The following HDAC9 variants were observed in gnomAD, a reference collection of about 807,000 sequenced individuals.
HDAC9 encodes MEF-2 interacting transcription repressor (MITR) protein.
In HDAC9, 41 loss-of-function variants were observed where a neutral mutation model predicts 139.4. The ratio of observed to expected loss-of-function variants is 0.29; its 90% CI spans 0.23 to 0.38. HDAC9 has a LOEUF of 0.38. HDAC9 is among the 10% of genes least tolerant of loss of function. The pLI is 1.00. For synonymous variants in HDAC9, 517 were observed against 476.2 expected (o/e 1.09, Z -1.12); for missense variants, 1,147 against 1,297.0 (o/e 0.88, Z 1.78).
At chr7:18,606,828 CAT>C (rs950156559) in intron 6 of HDAC9, among the ~76,000 whole-genome samples, 31 of 152,106 alleles carry the variant, frequency 2.0e-4, no homozygotes, top group African/African-American at 7.0e-4. Context: ...TTTAAACTAA[CAT>C]ATCTGAAATC....
intron 10 of HDAC9, 56 bp from the exon 11 acceptor site, chr7:18,648,402 GTGTGTGTA>G (rs1195476255): frequency 4.9e-6 from 6 of 1,230,292 alleles, no homozygotes; most frequent in African/African-American, 4.7e-5. Context: ...AAAATTGTGT[GTGTGTGTA>G]TGTGTGTGTG....
At chr7:18,954,276 A>G in intron 24 of HDAC9, 46 bp downstream of exon 24, 1 of 1,142,812 alleles carries the variant, frequency 8.8e-7, no homozygotes, top group East Asian at 2.6e-5. Context: ...GGTAAAACTA[A>G]CTAAAATTAT....
chr7:18,499,335 G>GT (rs1033475644), intron 2 of HDAC9, among the ~76,000 whole-genome samples: 6 of 151,970 alleles, frequency 3.9e-5, no homozygotes, highest in South Asian at 2.1e-4. Flanking sequence ...TGGAATACAA[G>GT]TTTTTTTTAT....
chr7:18,711,754 A>C (rs1247712383), intron 12 of HDAC9, among the ~76,000 whole-genome samples: 1 of 152,192 alleles, frequency 6.6e-6, no homozygotes, highest in Non-Finnish European at 1.5e-5. Context: ...ATTTTGCCAC[A>C]AAAGAACAGC....
intron 12 of HDAC9, among the ~76,000 whole-genome samples, chr7:18,708,335 C>T (rs1054949793): frequency 2.0e-5 from 3 of 152,146 alleles, no homozygotes; most frequent in Non-Finnish European, 4.4e-5. Context: ...GCCCAGCTGC[C>T]TTGAAAGGCC....
chr7:18,899,722 A>G (rs977810020), intron 22 of HDAC9, among the ~76,000 whole-genome samples: 3 of 152,014 alleles, frequency 2.0e-5, no homozygotes, highest in African/African-American at 7.2e-5. Context: ...TTATTTAACA[A>G]ATTATCAGTG....
intron 1 of HDAC9, among the ~76,000 whole-genome samples, chr7:18,389,657 G>C (rs1786272271): frequency 6.6e-6 from 1 of 152,178 alleles, no homozygotes; most frequent in Non-Finnish European, 1.5e-5. Context: ...GCCACAAGAT[G>C]ATGGGAAGGA....
intron 1 of HDAC9, among the ~76,000 whole-genome samples, chr7:18,375,783 CCCTAACCAG>C (rs749018549): frequency 2.0e-5 from 3 of 152,166 alleles, no homozygotes; most frequent in Non-Finnish European, 2.9e-5. Flanking sequence ...TCCTAGCTGG[CCCTAACCAG>C]CTGCAAGGTC....
intron 1 of HDAC9, among the ~76,000 whole-genome samples, chr7:18,089,355 C>A (rs920130858): frequency 6.6e-6 from 1 of 151,986 alleles, no homozygotes; most frequent in Non-Finnish European, 1.5e-5. Context: ...ATAATGATGG[C>A]TCTTTTGCAA....
intron 1 of HDAC9, among the ~76,000 whole-genome samples, chr7:18,112,288 C>A (rs1447840009): frequency 6.6e-6 from 1 of 152,122 alleles, no homozygotes; most frequent in Non-Finnish European, 1.5e-5. Context: ...CAAATAAATG[C>A]CACAAATCGG....
At chr7:18,782,753 G>A (rs1044123458) in intron 16 of HDAC9, among the ~76,000 whole-genome samples, 3 of 151,738 alleles carry the variant, frequency 2.0e-5, no homozygotes, top group Non-Finnish European at 4.4e-5. Flanking sequence ...TTCCAGCATC[G>A]TCTTGTGCTG....
intron 17 of HDAC9, among the ~76,000 whole-genome samples, chr7:18,827,799 G>A (rs1359582839): frequency 6.6e-6 from 1 of 152,016 alleles, no homozygotes; most frequent in Non-Finnish European, 1.5e-5. Flanking sequence ...TGAACCATGT[G>A]CATCTGTCAT....
At chr7:18,608,150 C>G (rs1254718610) in intron 6 of HDAC9, among the ~76,000 whole-genome samples, 1 of 152,078 alleles carries the variant, frequency 6.6e-6, no homozygotes, top group East Asian at 1.9e-4. Flanking sequence ...TGTCTTTAGA[C>G]TTACCTAATG....
At chr7:18,192,915 T>C (rs1418501220) in intron 2 of HDAC9, among the ~76,000 whole-genome samples, 1 of 152,242 alleles carries the variant, frequency 6.6e-6, no homozygotes, top group Admixed American at 6.5e-5. Flanking sequence ...AAGCCACTGA[T>C]TGACTTTTTC....
chr7:18,927,339 A>G (rs1008758257), intron 22 of HDAC9, among the ~76,000 whole-genome samples: 15 of 152,118 alleles, frequency 9.9e-5, no homozygotes, highest in Non-Finnish European at 1.6e-4. Context: ...CAACAATCAG[A>G]TTCTGCTTTG....
At chr7:18,632,014 A>C (rs1209674737) in intron 7 of HDAC9, among the ~76,000 whole-genome samples, 1 of 151,814 alleles carries the variant, frequency 6.6e-6, no homozygotes, top group African/African-American at 2.4e-5. Context: ...TATAATTTAA[A>C]ATTGGTAAGA....
chr7:18,181,848 G>T (rs1048866974), intron 2 of HDAC9, among the ~76,000 whole-genome samples: 1 of 151,918 alleles, frequency 6.6e-6, no homozygotes, highest in South Asian at 2.1e-4. Context: ...CAAATACAAG[G>T]GTACTGATAC....
intron 1 of HDAC9, among the ~76,000 whole-genome samples, chr7:18,367,306 T>G (rs1784260271): frequency 6.6e-6 from 1 of 152,096 alleles, no homozygotes; most frequent in Non-Finnish European, 1.5e-5. Context: ...GGACTAGTCC[T>G]TGCAAGCATG....
chr7:18,440,762 A>G (rs1187736536), intron 1 of HDAC9, among the ~76,000 whole-genome samples: 1 of 152,208 alleles, frequency 6.6e-6, no homozygotes, highest in Admixed American at 6.5e-5. Flanking sequence ...CTAAGATGCC[A>G]TAATCACTTT....
Sources: gnomAD v4.1 joint callset for allele counts (sites outside exome capture counted in the v4.1 genomes callset) on GRCh38, gnomAD v4.1.1 for gene constraint, MANE v1.5 for transcripts, NCBI Gene and HGNC (gene_info 2026-07-23, HGNC 2026-07-21) for gene names.